Variants in ADAMTSL1 observed in about 807,000 individuals in gnomAD.
The protein encoded by ADAMTSL1 is ADAMTS like 1.
ADAMTSL1 carries 126 observed loss-of-function variants against 201.8 expected under a neutral mutation model. The ratio of observed to expected loss-of-function variants is 0.62; its 90% CI spans 0.54 to 0.72. The LOEUF (loss-of-function observed/expected upper bound fraction) is 0.72. ADAMTSL1 is among the 30% of genes least tolerant of loss of function. The pLI is 0.00. For synonymous variants in ADAMTSL1, 1,121 were observed against 903.4 expected (o/e 1.24, Z -4.32); for missense variants, 2,679 against 2,277.8 (o/e 1.18, Z -3.59).
chr9:18,741,444 T>C (rs1818817847), intron 15 of ADAMTSL1, among the ~76,000 whole-genome samples: 2 of 152,208 alleles, frequency 1.3e-5, no homozygotes, highest in Non-Finnish European at 2.9e-5. Context: ...ACATGAAGAC[T>C]GGCCTTCCCA....
At chr9:18,173,174 T>C (rs1175042697) in intron 2 of ADAMTSL1, among the ~76,000 whole-genome samples, 2 of 152,188 alleles carry the variant, frequency 1.3e-5, no homozygotes, top group Non-Finnish European at 1.5e-5. Context: ...AATGCATGTA[T>C]AACAAAAACT....
intron 1 of ADAMTSL1, among the ~76,000 whole-genome samples, chr9:17,976,471 C>A (rs1244202864): frequency 6.6e-6 from 1 of 151,774 alleles, no homozygotes. Flanking sequence ...CTAAGTATCA[C>A]ATTCTTTTTG....
intron 2 of ADAMTSL1, among the ~76,000 whole-genome samples, chr9:18,515,964 A>G (rs781371980): frequency 5.3e-5 from 8 of 151,990 alleles, no homozygotes; most frequent in Non-Finnish European, 2.9e-5. Context: ...AGTTTATGCA[A>G]ATTCTCTGAG....
intron 7 of ADAMTSL1, 49 bp from the exon 8 acceptor site, chr9:18,657,590 A>G: frequency 1.4e-6 from 2 of 1,436,582 alleles, no homozygotes; most frequent in Non-Finnish European, 2.0e-6. Flanking sequence ...AAGGGACCAG[A>G]AAGCACCGCA....
At chr9:18,793,460 CA>C (rs1224761986) in intron 19 of ADAMTSL1, among the ~76,000 whole-genome samples, 1 of 152,288 alleles carries the variant, frequency 6.6e-6, no homozygotes, top group East Asian at 1.9e-4. Flanking sequence ...GTTGCTGGGG[CA>C]GACCTGACTT....
Position 18,635,936 on chromosome 9 carries a change from T to C in ADAMTSL1, c.602-7T>C, listed in dbSNP as rs1015112616. On this transcript the variant is annotated splice_region_variant and splice_polypyrimidine_tract_variant and intron_variant, in intron 5 of 28. Coordinates refer to ENST00000380548, the MANE Select transcript of ADAMTSL1 (RefSeq NM_001040272.6). ...TGCTTTTAAGATTTTGCTTTGTTTC[T>C]CTCTAGCGGATGATACTGTGGTTGC... 2 of 1,594,782 alleles carry C rather than the reference T, an allele frequency of 1.3e-6. No individual in the cohort carries two copies. Among genetic ancestry groups the C allele is most frequent in the Admixed American group, 1.9e-5 (1 of 53,758 alleles).
chr9:18,143,511 T>TA, intron 1 of ADAMTSL1, among the ~76,000 whole-genome samples: 1 of 151,826 alleles, frequency 6.6e-6, no homozygotes, highest in Non-Finnish European at 1.5e-5. Context: ...GTGTTTTTTT[T>TA]AAAGCCGGGT....
chr9:18,334,291 A>G (rs892641441), intron 2 of ADAMTSL1, among the ~76,000 whole-genome samples: 2 of 152,126 alleles, frequency 1.3e-5, no homozygotes, highest in African/African-American at 2.4e-5. Flanking sequence ...GCTCTATGTA[A>G]GCTTTTGTTG....
At chr9:18,622,140 C>G (rs1564095629) in intron 4 of ADAMTSL1, 103 bp from the exon 5 acceptor site, 1 of 1,459,232 alleles carries the variant, frequency 6.9e-7, no homozygotes, top group South Asian at 1.3e-5. Context: ...TGTTTTAGGC[C>G]CCTCAGGGAT....
intron 2 of ADAMTSL1, among the ~76,000 whole-genome samples, chr9:18,310,393 A>C (rs1053149411): frequency 2.2e-5 from 3 of 139,514 alleles, no homozygotes; most frequent in African/African-American, 5.7e-5. Flanking sequence ...AAAAAAAAAA[A>C]AAAAAACTAT....
At chr9:18,694,951 C>T (rs1831461882) in intron 13 of ADAMTSL1, among the ~76,000 whole-genome samples, 2 of 152,252 alleles carry the variant, frequency 1.3e-5, no homozygotes, top group Admixed American at 6.5e-5. Flanking sequence ...AGCTTCAACT[C>T]CTGCCCTCTG....
chr9:18,847,026 C>A (rs1314357633), intron 23 of ADAMTSL1, among the ~76,000 whole-genome samples: 1 of 152,158 alleles, frequency 6.6e-6, no homozygotes, highest in East Asian at 1.9e-4. Flanking sequence ...GAGGAGAATA[C>A]CCCAAAGCTT....
chr9:18,413,784 G>A (rs114445711), intron 2 of ADAMTSL1, among the ~76,000 whole-genome samples: 147 of 152,112 alleles, frequency 9.7e-4, no homozygotes, highest in African/African-American at 3.5e-3. Context: ...ACAGCTTCCC[G>A]TCCCATTTTT....
chr9:18,278,861 T>C lies in ADAMTSL1; in HGVS notation c.207+114880T>C, dbSNP rs1832683747. Among the ~76,000 whole-genome samples the C allele has an allele frequency of 2.6e-5, 4 of 152,174 alleles. No homozygotes were observed. In the South Asian group the frequency reaches 8.3e-4, roughly 31 times the overall value. ...TCATTCTTTTTCTTTCTCTCTTTTT[T>C]CCCTTTTTATTCCTCTGACTGGGTA... On this transcript the variant is annotated intron_variant, in intron 2 of 29. Coordinates refer to the ADAMTSL1 transcript ENST00000680146.
At chr9:18,398,969 G>A (rs1817855556) in intron 2 of ADAMTSL1, among the ~76,000 whole-genome samples, 1 of 151,952 alleles carries the variant, frequency 6.6e-6, no homozygotes, top group Non-Finnish European at 1.5e-5. Flanking sequence ...CCCAGGGGCT[G>A]GAATCTTAAG....
At chr9:18,476,521 C>A (rs911700226) in intron 1 of ADAMTSL1, among the ~76,000 whole-genome samples, 2 of 152,000 alleles carry the variant, frequency 1.3e-5, no homozygotes, top group East Asian at 1.9e-4. Context: ...CATTAACTGC[C>A]CCCTTTAGCA....
At chr9:18,411,481 G>T (rs922577720) in intron 2 of ADAMTSL1, among the ~76,000 whole-genome samples, 1 of 152,246 alleles carries the variant, frequency 6.6e-6, no homozygotes, top group Non-Finnish European at 1.5e-5. Context: ...TTATAGGCGT[G>T]AGCCGCCATA....
At chr9:18,128,930 A>T (rs1463879031) in intron 1 of ADAMTSL1, among the ~76,000 whole-genome samples, 2 of 152,180 alleles carry the variant, frequency 1.3e-5, no homozygotes, top group African/African-American at 4.8e-5. Flanking sequence ...AAAAGAAAGA[A>T]CCTATATTTT....
intron 2 of ADAMTSL1, among the ~76,000 whole-genome samples, chr9:18,205,786 G>T (rs1401084716): frequency 6.6e-5 from 10 of 152,082 alleles, no homozygotes; most frequent in Non-Finnish European, 1.2e-4. Flanking sequence ...AGGCACGGTG[G>T]CTCATGCCTG....
Sources: gnomAD v4.1 joint callset for allele counts (sites outside exome capture counted in the v4.1 genomes callset) on GRCh38, gnomAD v4.1.1 for gene constraint, MANE v1.5 for transcripts, NCBI Gene and HGNC (gene_info 2026-07-23, HGNC 2026-07-21) for gene names.